The following RBMS3 variants were observed in gnomAD, a reference collection of about 807,000 sequenced individuals.
The protein encoded by RBMS3 is RNA binding motif single stranded interacting protein 3.
A neutral mutation model predicts 66.8 loss-of-function variants in RBMS3; 27 were observed. The observed-to-expected ratio is 0.40, with a 90% CI of 0.30 to 0.56. RBMS3 has a LOEUF of 0.56. Among genes scored for constraint, RBMS3 ranks in the 20% least tolerant of loss-of-function variants. The pLI, the probability that RBMS3 is intolerant of heterozygous loss-of-function variation, is 0.40. For missense variants in RBMS3, 513 were observed against 549.5 expected (o/e 0.93, Z 0.66); for synonymous variants, 188 against 183.0 (o/e 1.03, Z -0.22).
At chr3:29,993,922 G>T (rs1699045610) in intron 14 of RBMS3, among the ~76,000 whole-genome samples, 1 of 152,176 alleles carries the variant, frequency 6.6e-6, no homozygotes, top group South Asian at 2.1e-4. Flanking sequence ...GTATCGGGGG[G>T]AGGAACCAAG....
chr3:29,351,013 T>A (rs1465726377), intron 1 of RBMS3, among the ~76,000 whole-genome samples: 1 of 152,154 alleles, frequency 6.6e-6, no homozygotes, highest in Non-Finnish European at 1.5e-5. Flanking sequence ...TATATATATA[T>A]ATTTGCACAT....
chr3:29,986,793 A>G (rs1217584595), intron 12 of RBMS3, among the ~76,000 whole-genome samples: 1 of 152,106 alleles, frequency 6.6e-6, no homozygotes, highest in Non-Finnish European at 1.5e-5. Context: ...AAATACAAAA[A>G]TTAACCAGGT....
intron 6 of RBMS3, among the ~76,000 whole-genome samples, chr3:29,858,460 G>A (rs771972496): frequency 6.6e-6 from 1 of 152,152 alleles, no homozygotes; most frequent in Non-Finnish European, 1.5e-5. Context: ...AATTTCAAAG[G>A]TGCTTCATCT....
chr3:29,908,188 C>G (rs548330991), intron 10 of RBMS3, among the ~76,000 whole-genome samples: 1 of 151,786 alleles, frequency 6.6e-6, no homozygotes, highest in East Asian at 2.0e-4. Flanking sequence ...AAGCTCAAGG[C>G]TACAGTAAGC....
chr3:29,874,184 T>G (rs558239385), intron 7 of RBMS3, among the ~76,000 whole-genome samples: 1 of 152,182 alleles, frequency 6.6e-6, no homozygotes, highest in Admixed American at 6.5e-5. Context: ...ACACAACATT[T>G]CTATTAGCTT....
At chr3:29,455,301 T>C (rs1299739027) in intron 2 of RBMS3, among the ~76,000 whole-genome samples, 1 of 152,194 alleles carries the variant, frequency 6.6e-6, no homozygotes, top group Non-Finnish European at 1.5e-5. Flanking sequence ...TTGTATACAT[T>C]ATGATTTTAG....
intron 12 of RBMS3, among the ~76,000 whole-genome samples, chr3:29,985,248 C>T (rs1299006394): frequency 1.3e-5 from 2 of 152,196 alleles, no homozygotes; most frequent in Non-Finnish European, 2.9e-5. Context: ...GCGCCAGCAT[C>T]CCAAGTGGAC....
intron 14 of RBMS3, among the ~76,000 whole-genome samples, chr3:29,996,690 G>T (rs192838753): frequency 1.3e-5 from 2 of 152,062 alleles, no homozygotes; most frequent in Admixed American, 6.6e-5. Flanking sequence ...ACGAAATGAA[G>T]GCAGAAATAA....
intron 1 of RBMS3, among the ~76,000 whole-genome samples, chr3:29,298,258 G>A (rs767394972): frequency 1.3e-5 from 2 of 151,780 alleles, no homozygotes; most frequent in Non-Finnish European, 2.9e-5. Context: ...TATATTTTGG[G>A]CACTTAACCA....
At chr3:29,896,294 A>G (rs896688560) in intron 8 of RBMS3, among the ~76,000 whole-genome samples, 3 of 151,344 alleles carry the variant, frequency 2.0e-5, no homozygotes, top group Non-Finnish European at 4.4e-5. Context: ...GAAAATCTCT[A>G]TTTAAAATAT....
At chr3:29,786,082 C>A (rs1277693563) in intron 6 of RBMS3, among the ~76,000 whole-genome samples, 1 of 148,706 alleles carries the variant, frequency 6.7e-6, no homozygotes, top group African/African-American at 2.5e-5. Context: ...GAACTCAACC[C>A]CTTTCACAAT....
chr3:29,442,060 G>C (rs1205607646), intron 2 of RBMS3, among the ~76,000 whole-genome samples: 2 of 152,116 alleles, frequency 1.3e-5, no homozygotes, highest in Non-Finnish European at 2.9e-5. Flanking sequence ...GGATGTCCTT[G>C]GAAGAATCTT....
At chr3:29,775,133 C>T (rs936177191) in intron 6 of RBMS3, among the ~76,000 whole-genome samples, 1 of 151,812 alleles carries the variant, frequency 6.6e-6, no homozygotes, top group Non-Finnish European at 1.5e-5. Flanking sequence ...TTAAAATACG[C>T]TCTCACTTTT....
intron 4 of RBMS3, among the ~76,000 whole-genome samples, chr3:29,646,948 C>G (rs1317249959): frequency 1.3e-5 from 2 of 152,034 alleles, no homozygotes; most frequent in African/African-American, 4.8e-5. Context: ...AATCTGGAGG[C>G]AAATACCAGG....
chr3:29,618,796 C>T (rs1022263404), intron 4 of RBMS3, among the ~76,000 whole-genome samples: 19 of 152,264 alleles, frequency 1.2e-4, no homozygotes, highest in African/African-American at 4.3e-4. Flanking sequence ...AAAATACCTA[C>T]CGTGCAGCCC....
At chr3:29,949,084 T>G (rs1695506505) in intron 12 of RBMS3, among the ~76,000 whole-genome samples, 1 of 151,596 alleles carries the variant, frequency 6.6e-6, no homozygotes, top group Non-Finnish European at 1.5e-5. Flanking sequence ...TTATAAAAAT[T>G]GAATCATTAA....
At chr3:29,620,014 C>T (rs1044502140) in intron 4 of RBMS3, among the ~76,000 whole-genome samples, 3 of 151,708 alleles carry the variant, frequency 2.0e-5, no homozygotes, top group Non-Finnish European at 2.9e-5. Flanking sequence ...GAATAAAAAT[C>T]GGGGAGCAGG....
At chr3:29,690,292 A>C (rs938408895) in intron 4 of RBMS3, among the ~76,000 whole-genome samples, 1 of 151,910 alleles carries the variant, frequency 6.6e-6, no homozygotes, top group Non-Finnish European at 1.5e-5. Flanking sequence ...TCTACAAAAA[A>C]TTCAAAAATT....
chr3:29,914,165 T>C (rs763744306), intron 10 of RBMS3, among the ~76,000 whole-genome samples: 5 of 151,940 alleles, frequency 3.3e-5, no homozygotes, highest in Non-Finnish European at 7.4e-5. Flanking sequence ...TTTGTGGTAT[T>C]AATTAGTAAG....
Sources: allele counts gnomAD v4.1 joint callset (sites outside exome capture counted in the v4.1 genomes callset), GRCh38; gene constraint gnomAD v4.1.1; transcripts MANE v1.5; gene names NCBI Gene and HGNC (gene_info 2026-07-23, HGNC 2026-07-21).